TRIO: variants seen among roughly 807,000 people sequenced by gnomAD.
TRIO encodes triple functional domain protein.
A neutral mutation model predicts 351.9 loss-of-function variants in TRIO; 58 were observed. The ratio of observed to expected loss-of-function variants is 0.16; its 90% confidence interval spans 0.13 to 0.21. TRIO has a LOEUF of 0.21. TRIO is among the 10% of genes least tolerant of loss of function. The pLI is 1.00. For missense variants in TRIO, 3,201 were observed against 4,027.8 expected (o/e 0.79, Z 5.56); for synonymous variants, 1,758 against 1,595.7 (o/e 1.10, Z -2.42).
intron 4 of TRIO, 157 bp downstream of exon 4, chr5:14,287,220 T>C (rs2152281941): frequency 1.4e-6 from 1 of 714,546 alleles, no homozygotes; most frequent in Non-Finnish European, 2.3e-6. Context: ...CTGCATGAAA[T>C]AACAGAGCTG....
At chr5:14,466,436 G>A (rs896011678) in intron 37 of TRIO, 3 of 152,224 alleles carry the variant, frequency 2.0e-5, no homozygotes, top group Non-Finnish European at 2.9e-5. Context: ...GTTGGCCAAC[G>A]TGGGTTCATT....
intron 52 of TRIO, 72 bp downstream of exon 52, chr5:14,498,323 C>A: frequency 1.3e-6 from 2 of 1,575,788 alleles, no homozygotes; most frequent in Non-Finnish European, 1.7e-6. Context: ...ACTGGAAATT[C>A]CTCCTTCACG....
At chr5:14,372,451 C>G (rs2152346734) in intron 18 of TRIO, among the ~76,000 whole-genome samples, 1 of 152,226 alleles carries the variant, frequency 6.6e-6, no homozygotes, top group East Asian at 1.9e-4. Flanking sequence ...AGCCTTTCAG[C>G]TAATGGTGTT....
At chr5:14,211,107 AC>A (rs1200423904) in intron 1 of TRIO, among the ~76,000 whole-genome samples, 3 of 152,198 alleles carry the variant, frequency 2.0e-5, no homozygotes, top group Non-Finnish European at 2.9e-5. Flanking sequence ...TTATTTTTAG[AC>A]CTTTTGACTT....
At chr5:14,288,439 C>T (rs1471671581) in intron 4 of TRIO, among the ~76,000 whole-genome samples, 1 of 151,984 alleles carries the variant, frequency 6.6e-6, no homozygotes, top group Non-Finnish European at 1.5e-5. Context: ...GAGGCCGAGG[C>T]GGGCGGACCA....
At chr5:14,222,588 C>T (rs32393) in intron 1 of TRIO, among the ~76,000 whole-genome samples, 3,878 of 152,334 alleles carry the variant, frequency 0.025, 77 homozygotes, top group Non-Finnish European at 0.039. Flanking sequence ...CAGTAAAATG[C>T]AGCCCCTTCC....
At chr5:14,316,782 T>C (rs1198901596) in intron 9 of TRIO, 39 bp downstream of exon 9, 2 of 1,570,714 alleles carry the variant, frequency 1.3e-6, no homozygotes, top group Admixed American at 3.6e-5. Context: ...GGGAAATGGC[T>C]TGTGTTGAGT....
chr5:14,388,707 G>C, intron 24 of TRIO, 28 bp downstream of exon 24: 3 of 616,046 alleles, frequency 4.9e-6, no homozygotes, highest in East Asian at 3.6e-5. Flanking sequence ...TTTTTTTTTT[G>C]CTTGTTTATT....
intron 9 of TRIO, among the ~76,000 whole-genome samples, chr5:14,325,640 A>T (rs188701958): frequency 7.2e-5 from 11 of 152,338 alleles, no homozygotes; most frequent in Admixed American, 6.5e-4. Context: ...TGGCGGGGCC[A>T]AACAAACCAC....
chr5:14,458,614 G>A (rs1243507510), intron 34 of TRIO, among the ~76,000 whole-genome samples: 1 of 152,208 alleles, frequency 6.6e-6, no homozygotes, highest in African/African-American at 2.4e-5. Flanking sequence ...GAAATCGGGG[G>A]CTTGGCTCCA....
intron 1 of TRIO, among the ~76,000 whole-genome samples, chr5:14,144,275 A>G (rs1787354061): frequency 6.6e-6 from 1 of 151,748 alleles, no homozygotes. Flanking sequence ...GGAGGCTCTT[A>G]CCCCGGAGGC....
chr5:14,458,754 A>G (rs1468865591), intron 34 of TRIO, among the ~76,000 whole-genome samples: 3 of 152,204 alleles, frequency 2.0e-5, no homozygotes, highest in Admixed American at 6.5e-5. Flanking sequence ...CATATAGATT[A>G]TCCAAACCTG....
intron 1 of TRIO, among the ~76,000 whole-genome samples, chr5:14,234,792 G>A (rs1288312698): frequency 6.6e-6 from 1 of 152,090 alleles, no homozygotes; most frequent in Non-Finnish European, 1.5e-5. Flanking sequence ...CAGAGGTGTG[G>A]AACATTTAAA....
intron 1 of TRIO, among the ~76,000 whole-genome samples, chr5:14,211,509 A>G (rs1276137582): frequency 6.6e-6 from 1 of 151,710 alleles, no homozygotes; most frequent in Non-Finnish European, 1.5e-5. Context: ...ATATTTTGCC[A>G]TGTGTGCTTG....
At chr5:14,407,905 G>A (rs1748862787) in intron 33 of TRIO, among the ~76,000 whole-genome samples, 1 of 152,172 alleles carries the variant, frequency 6.6e-6, no homozygotes, top group Admixed American at 6.5e-5. Flanking sequence ...TTACTAGAAT[G>A]CTAGACTGAA....
At chr5:14,201,130 C>T (rs1309328563) in intron 1 of TRIO, among the ~76,000 whole-genome samples, 2 of 151,910 alleles carry the variant, frequency 1.3e-5, no homozygotes, top group Non-Finnish European at 2.9e-5. Flanking sequence ...CGTTGTGCCA[C>T]GTTCCTGTAA....
chr5:14,485,671 A>G (rs1040635354), intron 47 of TRIO, among the ~76,000 whole-genome samples: 4 of 151,570 alleles, frequency 2.6e-5, no homozygotes, highest in South Asian at 4.2e-4. Context: ...GCACACCCAC[A>G]CCTCCTTTCC....
In TRIO at chr5:14,471,361, A is replaced by T; in HGVS notation, c.5807A>T (p.Asp1936Val). ...AGCTCACTCCTTGTTGACCAGGGAG[A>T]TAGTAGCAGCCCTTCCTTCAACCCT... is the stretch of plus-strand genomic sequence containing the variant. ...RPSSLLVDQG[D>V]SSSPSFNPSD... The change falls in exon 38 of 57, where the codon GAT becomes GTT. Residue 1936 changes from aspartate (D) to valine (V), a missense_variant. Coordinates refer to ENST00000344204, the MANE Select transcript of TRIO (RefSeq NM_007118.4). The T allele has an allele frequency of 6.2e-7, 1 of 1,614,054 alleles. No homozygotes were observed. Among genetic ancestry groups the T allele is most frequent in the Non-Finnish European group, 8.5e-7 (1 of 1,180,016 alleles).
intron 26 of TRIO, among the ~76,000 whole-genome samples, chr5:14,390,665 A>G (rs1450296185): frequency 7.2e-5 from 11 of 152,146 alleles, no homozygotes; most frequent in Non-Finnish European, 1.6e-4. Flanking sequence ...TGCACGCGTG[A>G]CTGTGGAAAG....
Sources: gnomAD v4.1 joint callset for allele counts (sites outside exome capture counted in the v4.1 genomes callset) on GRCh38, gnomAD v4.1.1 for gene constraint, MANE v1.5 for transcripts, NCBI Gene and HGNC (gene_info 2026-07-23, HGNC 2026-07-21) for gene names.